Variants in ARHGAP21 observed in about 807,000 individuals in gnomAD.
The protein encoded by ARHGAP21 is rho GTPase-activating protein 21.
In ARHGAP21, 38 loss-of-function variants were observed where a neutral mutation model predicts 164.6. That is an observed-to-expected ratio of 0.23 (90% CI 0.18 to 0.30). The LOEUF is 0.30. ARHGAP21 is among the 10% of genes least tolerant of loss of function. The pLI is 1.00. For synonymous variants in ARHGAP21, 766 were observed against 857.9 expected, an observed-to-expected ratio of 0.89 and a Z score of 1.87; for missense variants, 1,822 against 2,370.7, an observed-to-expected ratio of 0.77 and a Z score of 4.81.
At chr10:24,706,523 ATGCACAATACAGAT>A in intron 2 of ARHGAP21, 1 of 152,800 alleles carries the variant, frequency 6.5e-6, no homozygotes, top group East Asian at 1.9e-4. Context: ...TGACCACTCC[ATGCACAATACAGAT>A]TGCACAACAA....
intron 4 of ARHGAP21, among the ~76,000 whole-genome samples, chr10:24,664,473 T>C (rs1269781979): frequency 2.0e-5 from 3 of 151,680 alleles, no homozygotes; most frequent in Non-Finnish European, 2.9e-5. Flanking sequence ...GGAGAATCGC[T>C]TGAACCCAGG....
chr10:24,630,255 G>A (rs932132897), intron 6 of ARHGAP21, among the ~76,000 whole-genome samples: 3 of 151,956 alleles, frequency 2.0e-5, no homozygotes, highest in South Asian at 2.1e-4. Context: ...AAAGAGGGAC[G>A]GACCCCTGCC....
chr10:24,721,667 C>T (rs755940975), intron 2 of ARHGAP21, among the ~76,000 whole-genome samples, 170 bp downstream of exon 2: 1 of 152,244 alleles, frequency 6.6e-6, no homozygotes, highest in Non-Finnish European at 1.5e-5. Flanking sequence ...TGGAAACAGA[C>T]GTGGGCCAGG....
At chr10:24,640,960 T>C (rs916374511) in intron 4 of ARHGAP21, among the ~76,000 whole-genome samples, 4 of 152,204 alleles carry the variant, frequency 2.6e-5, no homozygotes, top group Non-Finnish European at 5.9e-5. Flanking sequence ...CAGTCATTTA[T>C]GTCTTCAGGA....
At chr10:24,695,504 G>C (rs953357251) in intron 2 of ARHGAP21, among the ~76,000 whole-genome samples, 1 of 151,938 alleles carries the variant, frequency 6.6e-6, no homozygotes, top group Non-Finnish European at 1.5e-5. Context: ...TGGAGGCAGA[G>C]GTTGCAGTAA....
chr10:24,591,318 C>T lies in ARHGAP21; in HGVS notation c.4057G>A (p.Glu1353Lys). The T allele has an allele frequency of 6.2e-7, 1 of 1,612,242 alleles. No homozygotes were observed. The highest frequency in any genetic ancestry group is 1.1e-5 in the South Asian group (1 of 90,908). The change falls in exon 24 of 26, where the codon GAG becomes AAG. Residue 1353 changes from glutamate (E) to lysine (K), a missense_variant. By Grantham distance (56) the Glu-to-Lys change is moderately conservative (BLOSUM62 1). Coordinates refer to ENST00000396432, the MANE Select transcript of ARHGAP21 (RefSeq NM_020824.4). ...GGCTGGGAGTCTACTGTGCTTTCCT[C>T]CTGCACTGTTGTCTATGGTTAATAA... ...GAEEPLTTVQEESTVDSQPVP... is the reference protein window; with the variant it reads ...GAEEPLTTVQKESTVDSQPVP...
chr10:24,648,765 G>A, intron 4 of ARHGAP21: 4 of 942,614 alleles, frequency 4.2e-6, no homozygotes, highest in Non-Finnish European at 5.0e-6. Flanking sequence ...AGCAATAAGA[G>A]CAAAACTCTG....
intron 21 of ARHGAP21, among the ~76,000 whole-genome samples, chr10:24,593,989 T>A (rs2076461934): frequency 6.6e-6 from 1 of 152,144 alleles, no homozygotes; most frequent in African/African-American, 2.4e-5. Context: ...ACTCTTCTCA[T>A]AATCAATCCT....
intron 2 of ARHGAP21, among the ~76,000 whole-genome samples, chr10:24,702,594 T>G (rs767386070): frequency 7.9e-5 from 12 of 151,996 alleles, no homozygotes; most frequent in Non-Finnish European, 1.2e-4. Flanking sequence ...TTTTTTGTTT[T>G]TTGGTTTTTT....
At chr10:24,708,109 A>T (rs1231603601) in intron 2 of ARHGAP21, among the ~76,000 whole-genome samples, 4 of 152,216 alleles carry the variant, frequency 2.6e-5, no homozygotes, top group African/African-American at 9.7e-5. Context: ...TGCTGCTGGA[A>T]GCTTGCCAAA....
chr10:24,632,394 A>G (rs1360104689), intron 6 of ARHGAP21, among the ~76,000 whole-genome samples: 5 of 152,192 alleles, frequency 3.3e-5, no homozygotes, highest in Non-Finnish European at 7.4e-5. Context: ...TATCCCTTGG[A>G]GAGGCTTTAA....
At chr10:24,610,978 A>AAAT (rs2077231713) in intron 9 of ARHGAP21, among the ~76,000 whole-genome samples, 2 of 152,254 alleles carry the variant, frequency 1.3e-5, no homozygotes, top group African/African-American at 4.8e-5. Flanking sequence ...AGTGATTTAT[A>AAAT]ACTGTTTTTT....
intron 25 of ARHGAP21, among the ~76,000 whole-genome samples, chr10:24,586,735 G>C (rs1376785774): frequency 5.3e-5 from 8 of 152,104 alleles, no homozygotes; most frequent in Admixed American, 2.6e-4. Flanking sequence ...TTATCTCAAG[G>C]TAACAATGGA....
intron 4 of ARHGAP21, among the ~76,000 whole-genome samples, chr10:24,656,943 G>C (rs1839066387): frequency 7.3e-6 from 1 of 136,910 alleles, no homozygotes; most frequent in South Asian, 2.3e-4. Flanking sequence ...GGAGGTGGGG[G>C]GGGGGTCAGC....
At chr10:24,598,855 C>T (rs373888277) in intron 14 of ARHGAP21, among the ~76,000 whole-genome samples, 1 of 152,122 alleles carries the variant, frequency 6.6e-6, no homozygotes, top group East Asian at 1.9e-4. Context: ...TAAATCCTAC[C>T]CCTGATGCTT....
At chr10:24,602,699 C>A (rs2076863904) in intron 12 of ARHGAP21, among the ~76,000 whole-genome samples, 1 of 152,116 alleles carries the variant, frequency 6.6e-6, no homozygotes, top group Non-Finnish European at 1.5e-5. Context: ...GGGGGAGTAA[C>A]TGATCACCCA....
intron 12 of ARHGAP21, among the ~76,000 whole-genome samples, chr10:24,602,460 T>C (rs1162338278): frequency 6.6e-6 from 1 of 152,180 alleles, no homozygotes; most frequent in Non-Finnish European, 1.5e-5. Flanking sequence ...GTGGCAGGGC[T>C]ACTCTGAAGA....
rs777701954 is a variant in ARHGAP21 at position 24,619,815 on chromosome 10, G to A, written c.2080C>T (p.Pro694Ser). ...GTACCAGCGTTTTCACTCGACTGAGGGGCAGGCTTGGCAGAGGCTCCAGAT... is the reference window on the plus strand; with the variant it reads ...GTACCAGCGTTTTCACTCGACTGAGAGGCAGGCTTGGCAGAGGCTCCAGAT... Reference protein sequence around the residue: ...SLSGASAKPAPQSSENAGTSD... With the variant: ...SLSGASAKPASQSSENAGTSD... The change falls in exon 9 of 26, where the codon CCT becomes TCT. Residue 694 changes from proline (P) to serine (S), a missense_variant. Coordinates refer to ENST00000396432, the MANE Select transcript of ARHGAP21 (RefSeq NM_020824.4). 1.7e-5 allele frequency: 27 copies of A among 1,614,124 alleles called. No homozygotes were observed. Among genetic ancestry groups the A allele is most frequent in the Non-Finnish European group, 2.3e-5 (27 of 1,180,034 alleles).
intron 2 of ARHGAP21, among the ~76,000 whole-genome samples, chr10:24,720,019 A>T (rs1396035484): frequency 6.6e-6 from 1 of 152,338 alleles, no homozygotes. Flanking sequence ...CTGTATATAT[A>T]TTTCACATAA....
Sources: gnomAD v4.1 joint callset for allele counts (sites outside exome capture counted in the v4.1 genomes callset) on GRCh38, gnomAD v4.1.1 for gene constraint, MANE v1.5 for transcripts, NCBI Gene and HGNC (gene_info 2026-07-23, HGNC 2026-07-21) for gene names.